The following ARHGAP26 variants were observed in gnomAD, a reference collection of about 807,000 sequenced individuals.
ARHGAP26 encodes the protein rho GTPase-activating protein 26.
In ARHGAP26, 38 loss-of-function variants were observed where a neutral mutation model predicts 104.8. That is an observed-to-expected ratio of 0.36 (90% CI 0.28 to 0.48). The LOEUF is 0.48. Ranked by LOEUF, ARHGAP26 falls within the 20% of genes least tolerant of loss-of-function variation. The pLI is 0.99. For synonymous variants in ARHGAP26, 341 were observed against 340.0 expected, an observed-to-expected ratio of 1.00 and a Z score of -0.03; for missense variants, 704 against 947.9, an observed-to-expected ratio of 0.74 and a Z score of 3.38.
rs1237050606 is a variant in ARHGAP26 at position 142,992,433 on chromosome 5, ATT to A, written c.1108-21642_1108-21641del. On this transcript the variant is annotated intron_variant, in intron 11 of 22. Coordinates refer to ENST00000645722, the MANE Select transcript of ARHGAP26 (RefSeq NM_001135608.3). Reference sequence around the variant, plus strand: ...ATTTTTTATTTATTTATTTTATTTTATTTTTTATTTTTTTTTTTGAGAGGGAG... The same window carrying A: ...ATTTTTTATTTATTTATTTTATTTTATTTTATTTTTTTTTTTGAGAGGGAG... Among the ~76,000 whole-genome samples, 4 of 150,062 alleles carry A rather than the reference ATT, an allele frequency of 2.7e-5. No individual in the cohort carries two copies. In the South Asian group the frequency reaches 6.3e-4, roughly 24 times the overall value.
intron 17 of ARHGAP26, among the ~76,000 whole-genome samples, chr5:143,070,585 A>T (rs1380946163): frequency 1.3e-5 from 2 of 152,216 alleles, no homozygotes; most frequent in African/African-American, 4.8e-5. Context: ...TACCCAAAGC[A>T]ATCTACAGAT....
rs148209244 is a variant in ARHGAP26 at position 142,783,776 on chromosome 5, A to G, written c.154+12861A>G. Among the ~76,000 whole-genome samples, 876 of 152,362 alleles carry G rather than the reference A, an allele frequency of 5.7e-3. 21 individuals carry two copies. Among genetic ancestry groups the G allele is most frequent in the East Asian group, 0.052 (270 of 5,184 alleles). ...GCTGCTGGTGTGATCCCAGGGTGTC[A>G]CCACCAGGAAATTAGTGCTGCTTTC... is the stretch of plus-strand genomic sequence containing the variant. On this transcript the variant is annotated intron_variant, in intron 1 of 22. Transcript: ENST00000645722.
intron 1 of ARHGAP26, among the ~76,000 whole-genome samples, chr5:142,830,302 C>T (rs772743215): frequency 1.3e-5 from 2 of 152,058 alleles, no homozygotes; most frequent in Non-Finnish European, 2.9e-5. Context: ...AAATACCTGG[C>T]TGAGAAAAGT....
At chr5:142,927,263 T>C (rs1764045512) in intron 10 of ARHGAP26, among the ~76,000 whole-genome samples, 5 of 151,680 alleles carry the variant, frequency 3.3e-5, no homozygotes, top group Admixed American at 3.3e-4. Context: ...GATGAAGATA[T>C]AGAATGTTTC....
intron 1 of ARHGAP26, among the ~76,000 whole-genome samples, chr5:142,866,528 T>C (rs1754310894): frequency 1.3e-5 from 2 of 152,212 alleles, no homozygotes; most frequent in African/African-American, 2.4e-5. Flanking sequence ...TATTTGGATG[T>C]AGATTAAGGT....
At chr5:143,137,477 A>T (rs1457537967) in intron 19 of ARHGAP26, among the ~76,000 whole-genome samples, 1 of 152,182 alleles carries the variant, frequency 6.6e-6, no homozygotes, top group East Asian at 1.9e-4. Flanking sequence ...GGTTCTTGCC[A>T]CAGAGCAGAT....
At chr5:143,174,802 A>G (rs528062723) in intron 20 of ARHGAP26, among the ~76,000 whole-genome samples, 1 of 152,222 alleles carries the variant, frequency 6.6e-6, no homozygotes, top group African/African-American at 2.4e-5. Context: ...TGGAACCCTC[A>G]GCCAAATACT....
chr5:143,124,696 T>C (rs1447764677), intron 18 of ARHGAP26, among the ~76,000 whole-genome samples: 3 of 152,242 alleles, frequency 2.0e-5, no homozygotes, highest in African/African-American at 7.2e-5. Context: ...GTATCATTTC[T>C]GTCACATTCT....
chr5:142,985,839 TC>T (rs1181269088), intron 11 of ARHGAP26, among the ~76,000 whole-genome samples: 2 of 152,080 alleles, frequency 1.3e-5, no homozygotes, highest in African/African-American at 2.4e-5. Context: ...CACCAACTCA[TC>T]CTTTTTTATG....
chr5:143,226,671 G>A lies in ARHGAP26; in HGVS notation c.*4225G>A, dbSNP rs528170216. 4 of 214,332 alleles carry A rather than the reference G, an allele frequency of 1.9e-5. No individual in the cohort carries two copies. Among genetic ancestry groups the A allele is most frequent in the Admixed American group, 1.8e-4 (3 of 17,082 alleles). 13.3% of individuals were successfully genotyped at this position (214,332 alleles called of 1,614,324 possible). A position where few individuals can be genotyped will look rare whatever the true frequency, so the allele number is the denominator to read the frequency against. On this transcript the variant is annotated 3_prime_UTR_variant, in exon 23 of 23. Coordinates refer to ENST00000645722, the MANE Select transcript of ARHGAP26 (RefSeq NM_001135608.3). ...CCTGCCTTGGTGTCCTAGAATTGGAGCCAGTCTTTAGCTTAATGTCTGAAG... is the reference window on the plus strand; with the variant it reads ...CCTGCCTTGGTGTCCTAGAATTGGAACCAGTCTTTAGCTTAATGTCTGAAG...
chr5:142,776,622 A>C (rs1756375845), intron 1 of ARHGAP26, among the ~76,000 whole-genome samples: 1 of 152,126 alleles, frequency 6.6e-6, no homozygotes, highest in African/African-American at 2.4e-5. Flanking sequence ...GTAAACCATA[A>C]GTTGTTTATC....
chr5:143,178,260 A>G (rs562504698), intron 20 of ARHGAP26, among the ~76,000 whole-genome samples: 50 of 151,826 alleles, frequency 3.3e-4, no homozygotes, highest in African/African-American at 1.0e-3. Flanking sequence ...TCAGCCTCCC[A>G]AAGTGCTGAG....
rs185865371 is a variant in ARHGAP26, at chr5:143,032,533, C to T, written c.1145-4663C>T. 2.3e-3 allele frequency among the ~76,000 whole-genome samples: 348 copies of T among 152,322 alleles called. 2 individuals are homozygous for T. The highest frequency in any genetic ancestry group is 7.8e-3 in the African/African-American group (324 of 41,560). ...TGCTTGAGGGGATTAAGGACAGCCG[C>T]CTCCATCTGGCGAGCCACTCAGACT... On this transcript the variant is annotated intron_variant, in intron 12 of 22. Coordinates refer to ENST00000645722, the MANE Select transcript of ARHGAP26 (RefSeq NM_001135608.3).
At chr5:143,123,203 G>C (rs1446310913) in intron 18 of ARHGAP26, among the ~76,000 whole-genome samples, 4 of 152,188 alleles carry the variant, frequency 2.6e-5, no homozygotes, top group Non-Finnish European at 5.9e-5. Flanking sequence ...CCAAAGTCAT[G>C]GTATTTGACT....
chr5:143,058,871 T>A (rs147441481), intron 17 of ARHGAP26, among the ~76,000 whole-genome samples: 3 of 152,322 alleles, frequency 2.0e-5, no homozygotes, highest in Non-Finnish European at 4.4e-5. Context: ...CCACAGTTGC[T>A]CCATTATTGA....
intron 16 of ARHGAP26, among the ~76,000 whole-genome samples, chr5:143,056,361 G>A (rs549246794): frequency 2.7e-3 from 393 of 147,782 alleles, no homozygotes; most frequent in Non-Finnish European, 4.5e-3. Context: ...GGATGTTGGA[G>A]GGATAGAGAA....
chr5:142,771,661 CCTT>C (rs1755237760), intron 1 of ARHGAP26, among the ~76,000 whole-genome samples: 1 of 152,176 alleles, frequency 6.6e-6, no homozygotes, highest in Non-Finnish European at 1.5e-5. Flanking sequence ...CCCAAGCTCT[CCTT>C]TTTACCTCTT....
intron 20 of ARHGAP26, among the ~76,000 whole-genome samples, chr5:143,201,825 T>C (rs1323849670): frequency 6.6e-6 from 1 of 152,248 alleles, no homozygotes; most frequent in Non-Finnish European, 1.5e-5. Flanking sequence ...AGTAGTATTG[T>C]TGATAGGATT....
chr5:143,177,507 A>G lies in ARHGAP26; in HGVS notation c.1989-29691A>G, dbSNP rs189813053. Reference sequence around the variant, plus strand: ...TGGCACGTCAGTAGCAGACACGTACATGTATTTGATATGCATGCTCACCCA... The same window carrying G: ...TGGCACGTCAGTAGCAGACACGTACGTGTATTTGATATGCATGCTCACCCA... On this transcript the variant is annotated intron_variant, in intron 20 of 22. Coordinates refer to ENST00000645722, the MANE Select transcript of ARHGAP26 (RefSeq NM_001135608.3). Among the ~76,000 whole-genome samples the G allele has an allele frequency of 2.3e-4, 35 of 152,292 alleles. No individual in the cohort carries two copies. In the Middle Eastern group the frequency reaches 0.01, roughly 44 times the overall value.
Sources: allele counts gnomAD v4.1 joint callset (sites outside exome capture counted in the v4.1 genomes callset), GRCh38; gene constraint gnomAD v4.1.1; transcripts MANE v1.5; gene names NCBI Gene and HGNC (gene_info 2026-07-23, HGNC 2026-07-21).